PREX2: variants seen among roughly 807,000 people sequenced by gnomAD.
The protein encoded by PREX2 is phosphatidylinositol 3,4,5-trisphosphate-dependent Rac exchanger 2 protein.
A neutral mutation model predicts 203.2 loss-of-function variants in PREX2; 107 were observed. The ratio of observed to expected loss-of-function variants is 0.53; its 90% CI spans 0.45 to 0.62. The LOEUF is 0.62. PREX2 is among the 20% of genes least tolerant of loss of function. The pLI is 0.00. For synonymous variants in PREX2, 672 were observed against 663.6 expected (o/e 1.01, Z -0.19); for missense variants, 1,777 against 1,955.9 (o/e 0.91, Z 1.72).
At chr8:68,125,729 C>T (rs1810872955) in intron 30 of PREX2, among the ~76,000 whole-genome samples, 1 of 152,042 alleles carries the variant, frequency 6.6e-6, no homozygotes, top group African/African-American at 2.4e-5. Flanking sequence ...TTTCTGTTCC[C>T]TATAAAGAAA....
intron 37 of PREX2, 62 bp from the exon 38 acceptor site, chr8:68,217,554 C>A: frequency 1.7e-6 from 2 of 1,189,800 alleles, no homozygotes; most frequent in South Asian, 2.5e-5. Context: ...TAGTAATCCA[C>A]ATCATCTCAA....
At chr8:68,070,682 T>C (rs1229727806) in intron 13 of PREX2, among the ~76,000 whole-genome samples, 2 of 152,194 alleles carry the variant, frequency 1.3e-5, no homozygotes, top group Non-Finnish European at 2.9e-5. Flanking sequence ...ATAAAAATGC[T>C]TTTCAATCTT....
At chr8:68,118,875 C>T (rs1014936308) in intron 27 of PREX2, 1 of 656,580 alleles carries the variant, frequency 1.5e-6, no homozygotes, top group Admixed American at 1.8e-5. Flanking sequence ...TAATTGTAAT[C>T]TTCAGATATG....
intron 12 of PREX2, among the ~76,000 whole-genome samples, chr8:68,069,513 T>G (rs1809127378): frequency 7.4e-6 from 1 of 135,888 alleles, no homozygotes; most frequent in Non-Finnish European, 1.6e-5. Context: ...TGAACAAGTA[T>G]TATAGATGTA....
intron 14 of PREX2, among the ~76,000 whole-genome samples, chr8:68,076,720 CACACAT>C: frequency 1.5e-5 from 2 of 132,846 alleles, no homozygotes; most frequent in African/African-American, 5.5e-5. Flanking sequence ...CACACACACA[CACACAT>C]GCATGTTCAT....
chr8:67,964,634 T>G (rs1202582599), intron 1 of PREX2, among the ~76,000 whole-genome samples: 2 of 152,234 alleles, frequency 1.3e-5, no homozygotes, highest in Non-Finnish European at 1.5e-5. Flanking sequence ...TTTTGTTTTT[T>G]TTTCCATTGG....
intron 30 of PREX2, 138 bp downstream of exon 30, chr8:68,121,187 G>A: frequency 3.4e-6 from 3 of 877,792 alleles, no homozygotes; most frequent in Non-Finnish European, 5.4e-6. Flanking sequence ...ACTGAAAATG[G>A]TGAGGGAGGA....
chr8:68,219,588 G>T (rs948437747), intron 38 of PREX2, among the ~76,000 whole-genome samples: 7 of 152,012 alleles, frequency 4.6e-5, no homozygotes, highest in Admixed American at 6.6e-5. Flanking sequence ...TTTGTTATTT[G>T]TTCCTCTGCC....
intron 1 of PREX2, among the ~76,000 whole-genome samples, chr8:67,976,148 C>A (rs1273829021): frequency 6.6e-6 from 1 of 152,164 alleles, no homozygotes; most frequent in African/African-American, 2.4e-5. Context: ...CCCCCAGCAG[C>A]ACCCTTTCTT....
chr8:67,974,909 T>C (rs9886489), intron 1 of PREX2, among the ~76,000 whole-genome samples: 52,399 of 151,986 alleles, frequency 0.34, 9,448 homozygotes, highest in East Asian at 0.6. Context: ...AAATGGACAG[T>C]TTTTGTGTGC....
rs145968701 is a variant in PREX2 at position 68,027,367 on chromosome 8, C to T, written c.543+44C>T. 68 of 1,181,690 alleles carry T rather than the reference C, an allele frequency of 5.8e-5. No individual in the cohort carries two copies. The East Asian group carries it at 1.3e-3, about 22-fold the overall frequency. The allele number at this position is 1,181,690 out of a possible 1,614,324, so 73.2% of individuals were successfully genotyped here. A position where few individuals can be genotyped will look rare whatever the true frequency, so the allele number is the denominator to read the frequency against. On this transcript the variant is annotated intron_variant, in intron 5 of 39. Coordinates refer to ENST00000288368, the MANE Select transcript of PREX2 (RefSeq NM_024870.4). The stretch of plus-strand genomic sequence containing the variant: ...CATTGTAGCCATTTTCTTGTATCTA[C>T]ATATTTTGCTGATGATCTTTTTAAA...
rs1554585521 is a variant in PREX2 at position 68,209,087 on chromosome 8, A to AG, written c.4605-8529_4605-8528insG. Among the ~76,000 whole-genome samples, 122 of 151,452 alleles carry AG rather than the reference A, an allele frequency of 8.1e-4. 1 individual carries two copies. The highest frequency in any genetic ancestry group is 2.8e-3 in the African/African-American group (116 of 41,350). The stretch of plus-strand genomic sequence containing the variant: ...GACTCATTTAAAAAAAAAAAAAAAA[A>AG]AAAGAAAGAAAAAAGAAAAAAAGGA... On this transcript the variant is annotated intron_variant, in intron 37 of 39. Coordinates refer to ENST00000288368, the MANE Select transcript of PREX2 (RefSeq NM_024870.4).
chr8:67,952,387 C>T lies in PREX2; in HGVS notation c.-8C>T, dbSNP rs977696506. ...CGGGCAGCGCCGCGCTGCGCACCGCCGCCGACCATGAGCGAGGACAGCCGC... is the reference window on the plus strand; with the variant it reads ...CGGGCAGCGCCGCGCTGCGCACCGCTGCCGACCATGAGCGAGGACAGCCGC... On this transcript the variant is annotated 5_prime_UTR_variant, in exon 1 of 40. Transcript: ENST00000288368. The T allele has an allele frequency of 5.2e-6, 8 of 1,532,724 alleles. No homozygotes were observed. The African/African-American group carries it at 7.1e-5, about 14-fold the overall frequency. The allele number at this position is 1,532,724 out of a possible 1,614,324, so 94.9% of individuals were successfully genotyped here. A position where few individuals can be genotyped will look rare whatever the true frequency, so the allele number is the denominator to read the frequency against.
chr8:68,228,461 TAAAATAA>T (rs1041517311), intron 39 of PREX2, among the ~76,000 whole-genome samples: 2 of 151,590 alleles, frequency 1.3e-5, no homozygotes, highest in African/African-American at 4.8e-5. Context: ...TGTCTTTACA[TAAAATAA>T]AAAATAAAAA....
chr8:68,086,662 G>A (rs1222930990), intron 18 of PREX2, among the ~76,000 whole-genome samples: 3 of 152,010 alleles, frequency 2.0e-5, no homozygotes, highest in African/African-American at 4.8e-5. Context: ...CTTCAGTGGA[G>A]TATCTTATTT....
chr8:68,036,277 C>A (rs142898499), intron 6 of PREX2, among the ~76,000 whole-genome samples: 1 of 152,244 alleles, frequency 6.6e-6, no homozygotes, highest in Non-Finnish European at 1.5e-5. Flanking sequence ...TAATAGTTAG[C>A]TCAATTTTAT....
At chr8:68,172,822 T>A (rs1018017197) in intron 35 of PREX2, among the ~76,000 whole-genome samples, 4 of 152,180 alleles carry the variant, frequency 2.6e-5, no homozygotes, top group African/African-American at 9.7e-5. Context: ...CAACATATTT[T>A]CTTTTACCTT....
At chr8:68,083,983 T>C (rs950367143) in intron 18 of PREX2, among the ~76,000 whole-genome samples, 3 of 152,198 alleles carry the variant, frequency 2.0e-5, no homozygotes, top group African/African-American at 7.2e-5. Context: ...ATAGCCATTG[T>C]TATTCCTTTG....
chr8:68,091,989 G>C (rs1012271734), intron 20 of PREX2, among the ~76,000 whole-genome samples: 3 of 152,088 alleles, frequency 2.0e-5, no homozygotes, highest in Admixed American at 6.5e-5. Context: ...TCTATGGGGC[G>C]GCCGTGGGGT....
Sources: allele counts gnomAD v4.1 joint callset (sites outside exome capture counted in the v4.1 genomes callset), GRCh38; gene constraint gnomAD v4.1.1; transcripts MANE v1.5; gene names NCBI Gene and HGNC (gene_info 2026-07-23, HGNC 2026-07-21).